Variants in SEMA3F observed in about 807,000 individuals in gnomAD.
The protein encoded by SEMA3F is semaphorin-3F.
A neutral mutation model predicts 98.5 loss-of-function variants in SEMA3F; 30 were observed. The observed-to-expected ratio is 0.30, with a 90% CI of 0.23 to 0.41. The LOEUF (loss-of-function observed/expected upper bound fraction) is 0.41, where lower values mean the gene tolerates loss of function less well. Ranked by LOEUF, SEMA3F falls within the 10% of genes least tolerant of loss-of-function variation. SEMA3F has a pLI of 1.00. For synonymous variants in SEMA3F, 380 were observed against 444.8 expected, an observed-to-expected ratio of 0.85 and a Z score of 1.83; for missense variants, 866 against 1,119.3, an observed-to-expected ratio of 0.77 and a Z score of 3.23.
rs934649214 is a variant in SEMA3F at position 50,155,518 on chromosome 3, T to A, written c.-95T>A. The A allele has an allele frequency of 6.3e-6, 2 of 319,872 alleles. No homozygotes were observed. The highest frequency in any genetic ancestry group is 2.2e-5 in the African/African-American group (1 of 45,642). The allele number at this position is 319,872 out of a possible 1,614,324, so 19.8% of individuals were successfully genotyped here. A position where few individuals can be genotyped will look rare whatever the true frequency, so the allele number is the denominator to read the frequency against. ...GACCGGCCCAACGGGAGCCGCTCCG[T>A]GCCGCCGCCGCCGCCCGGGCGCCCA... On this transcript the variant is annotated 5_prime_UTR_variant, in exon 1 of 19. Transcript: ENST00000002829. The surrounding 1 kb of genome is among the most constrained non-coding windows in gnomAD (Gnocchi z 4.9).
rs1699231399 is a variant in SEMA3F at position 50,186,684 on chromosome 3, C to T, written c.1885C>T (p.Arg629Cys). The change falls in exon 18 of 19, where the codon CGC becomes TGC. Residue 629 changes from arginine to cysteine, a missense_variant. Physicochemically the swap from Arg to Cys is radical, Grantham distance 180. Around this residue, in one of 3 missense-constraint regions of SEMA3F, gnomAD observed 245 missense variants for 260.5 expected, o/e 0.94. Coordinates refer to ENST00000002829, the MANE Select transcript of SEMA3F (RefSeq NM_004186.5). ...CGCAGCCTTCCTTGAGTGCCAGCCC[C>T]GCTCGCCCCAAGCCACTGTTAAGTG... ...GSAAFLECQP[R>C]SPQATVKWLF... 8 of 1,610,626 alleles carry T rather than the reference C, an allele frequency of 5.0e-6. No individual in the cohort carries two copies. The highest frequency in any genetic ancestry group is 5.9e-6 in the Non-Finnish European group (7 of 1,177,668).
At chr3:50,169,824 G>T (rs960407573) in intron 2 of SEMA3F, among the ~76,000 whole-genome samples, 1 of 152,226 alleles carries the variant, frequency 6.6e-6, no homozygotes, top group African/African-American at 2.4e-5. Flanking sequence ...AGGTTCCTTT[G>T]TTCCTTCTGT....
rs1276268260 is a variant in SEMA3F at position 50,182,822 on chromosome 3, A to G, written c.903+39A>G. 1.2e-6 allele frequency: 2 copies of G among 1,610,996 alleles called. No individual in the cohort carries two copies. The highest frequency in any genetic ancestry group is 1.7e-6 in the Non-Finnish European group (2 of 1,178,430). ...GAGCCACCAGGCTGCCCCTTCCACCAGTTCTGGCTTCATCAGCCCTGCTCC... is the reference window on the plus strand; with the variant it reads ...GAGCCACCAGGCTGCCCCTTCCACCGGTTCTGGCTTCATCAGCCCTGCTCC... On this transcript the variant is annotated intron_variant, in intron 9 of 18. Coordinates refer to ENST00000002829, the MANE Select transcript of SEMA3F (RefSeq NM_004186.5). The surrounding 1 kb of genome is among the most constrained non-coding windows in gnomAD (Gnocchi z 4.5).
rs766731625 is a variant in SEMA3F, at chr3:50,173,773, G to T, written c.113-20G>T. 6.2e-7 allele frequency: 1 copy of T among 1,612,282 alleles called. No individual in the cohort carries two copies. Among genetic ancestry groups the T allele is most frequent in the Non-Finnish European group, 8.5e-7 (1 of 1,178,922 alleles). ...TGGTTTCCTGAAGGTCCTAATTGGTGCCCTGCCCTCCACCCACAGAGCTGA... is the reference window on the plus strand; with the variant it reads ...TGGTTTCCTGAAGGTCCTAATTGGTTCCCTGCCCTCCACCCACAGAGCTGA... On this transcript the variant is annotated intron_variant, in intron 2 of 18. Transcript: ENST00000002829.
intron 18 of SEMA3F, among the ~76,000 whole-genome samples, chr3:50,187,411 A>C (rs545295722): frequency 4.8e-5 from 7 of 145,986 alleles, no homozygotes; most frequent in African/African-American, 1.8e-4. Context: ...CGACAGAGCC[A>C]GACCTTGTCT....
upstream of SEMA3F, chr3:50,155,061 C>A: frequency 2.8e-6 from 1 of 360,800 alleles, no homozygotes; most frequent in Non-Finnish European, 5.1e-6. The surrounding 1 kb of genome is among the most constrained non-coding windows in gnomAD (Gnocchi z 4.9). Flanking sequence ...CGGCTCTGAG[C>A]GCCCCGTCCC....
At position 50,183,545 on chromosome 3, in the gene SEMA3F, C is replaced by T; in HGVS notation, c.1214C>T (p.Pro405Leu). 6.2e-7 allele frequency: 1 copy of T among 1,614,050 alleles called. No individual in the cohort carries two copies. The highest frequency in any genetic ancestry group is 8.5e-7 in the Non-Finnish European group (1 of 1,180,012). ...YQWMPFSGKM[P>L]YPRPGTCPGG... is the part of the protein sequence containing the mutation. The stretch of plus-strand genomic sequence containing the variant: ...TGGATGCCCTTCTCAGGGAAGATGC[C>T]CTACCCACGGCCGGGCACGGTAAGG... The change falls in exon 12 of 19, where the codon CCC (proline) becomes CTC (leucine). Residue 405 changes from proline (P) to leucine (L), a missense_variant. Transcript: ENST00000002829.
chr3:50,168,942 T>G (rs1477939214), intron 2 of SEMA3F, among the ~76,000 whole-genome samples: 1 of 152,168 alleles, frequency 6.6e-6, no homozygotes, highest in Non-Finnish European at 1.5e-5. Flanking sequence ...GCTCAGGGAT[T>G]AGGGCTGCAC....
At chr3:50,170,830 G>A (rs908521307) in intron 2 of SEMA3F, among the ~76,000 whole-genome samples, 16 of 151,956 alleles carry the variant, frequency 1.1e-4, no homozygotes, top group South Asian at 4.2e-4. Flanking sequence ...TGACCAAAGC[G>A]TCACGTCCTG....
intron 2 of SEMA3F, among the ~76,000 whole-genome samples, chr3:50,160,695 C>T (rs1698170654): frequency 6.6e-6 from 1 of 152,204 alleles, no homozygotes; most frequent in Non-Finnish European, 1.5e-5. Flanking sequence ...CCTGGCTGGC[C>T]AGATTTCCGG....
In SEMA3F at chr3:50,188,123, T is replaced by G. The variant is rs150672207; in HGVS notation, c.*8T>G. On this transcript the variant is annotated 3_prime_UTR_variant, in exon 19 of 19. Coordinates refer to ENST00000002829, the MANE Select transcript of SEMA3F (RefSeq NM_004186.5). The surrounding 1 kb of genome is among the most constrained non-coding windows in gnomAD (Gnocchi z 4.5). ...CACCCTCCGGACACATGAGGCCAGC[T>G]GCCTGTGCCTGCCATGGGCCAGCCT... is the stretch of plus-strand genomic sequence containing the variant. The G allele has an allele frequency of 6.3e-4, 914 of 1,460,970 alleles. 9 individuals are homozygous for G. In the African/African-American group the frequency reaches 0.012, roughly 20 times the overall value. The allele number at this position is 1,460,970 out of a possible 1,614,324, so 90.5% of individuals were successfully genotyped here.
At position 50,159,689 on chromosome 3, in the gene SEMA3F, C is replaced by G. The variant is rs768754151; in HGVS notation, c.67C>G (p.Gln23Glu). 6.2e-7 allele frequency: 1 copy of G among 1,613,214 alleles called. No individual in the cohort carries two copies. The highest frequency in any genetic ancestry group is 1.7e-5 in the Admixed American group (1 of 59,876). Residue 23 changes from glutamine (Q) to glutamate (E), a missense_variant, in exon 2 of 19, where the codon CAG (glutamine) becomes GAG (glutamate). Gln to Glu is a conservative substitution (Grantham distance 29). Coordinates refer to ENST00000002829, the MANE Select transcript of SEMA3F (RefSeq NM_004186.5). ...LTGAWPSFPT[Q>E]DHLPATPRVR... is the part of the protein sequence containing the mutation. ...CGGGGCCTGGCCATCCTTCCCCACC[C>G]AGGACCACCTCCCGGCCACGCCCCG...
At chr3:50,185,743 A>G (rs768296025) in intron 15 of SEMA3F, 36 bp downstream of exon 15, 2 of 1,613,408 alleles carry the variant, frequency 1.2e-6, no homozygotes, top group Non-Finnish European at 8.5e-7. Flanking sequence ...GGTTGGGGAC[A>G]GGGCCTGCAT....
intron 2 of SEMA3F, among the ~76,000 whole-genome samples, chr3:50,168,743 G>T (rs1698498569): frequency 6.6e-6 from 1 of 152,190 alleles, no homozygotes; most frequent in Non-Finnish European, 1.5e-5. Flanking sequence ...CCCCTTCCTG[G>T]ATCCTGTGGG....
rs761519385 is a variant in SEMA3F at position 50,182,345 on chromosome 3, C to T, written c.705C>T (p.Arg235=). ...TGGGCACTGATGCAGCCATCTTCCG[C>T]ACACTTGGAAAGCAGACAGCCATGC... ...DFMGTDAAIF[R]TLGKQTAMRT... The change falls in exon 8 of 19, where the codon CGC becomes CGT. Residue 235 remains arginine, a synonymous_variant. Transcript: ENST00000002829. The surrounding 1 kb of genome is among the most constrained non-coding windows in gnomAD (Gnocchi z 4.5). The T allele has an allele frequency of 1.9e-6, 3 of 1,613,950 alleles. No homozygotes were observed. The highest frequency in any genetic ancestry group is 1.1e-5 in the South Asian group (1 of 91,090).
At chr3:50,179,297 G>A (rs1001760492) in intron 7 of SEMA3F, among the ~76,000 whole-genome samples, 2 of 151,266 alleles carry the variant, frequency 1.3e-5, no homozygotes, top group Non-Finnish European at 1.5e-5. Flanking sequence ...TAGATGGCAT[G>A]TTCTTCCACG....
At position 50,166,272 on chromosome 3, in the gene SEMA3F, T is replaced by G. The variant is rs966794187; in HGVS notation, c.112+6538T>G. Among the ~76,000 whole-genome samples, 1 of 152,214 alleles carries G rather than the reference T, an allele frequency of 6.6e-6. No homozygotes were observed. Among genetic ancestry groups the G allele is most frequent in the Non-Finnish European group, 1.5e-5 (1 of 68,042 alleles). ...CTCATTTCCCCCGGCCAGAGTCCAC[T>G]GCCTCGTGTGTCTGCTGTTCAGCCA... is the stretch of plus-strand genomic sequence containing the variant. On this transcript the variant is annotated intron_variant, in intron 2 of 18. Transcript: ENST00000002829. The surrounding 1 kb of genome is among the most constrained non-coding windows in gnomAD (Gnocchi z 4.7).
chr3:50,171,479 C>T (rs932323652), intron 2 of SEMA3F, among the ~76,000 whole-genome samples: 3 of 152,060 alleles, frequency 2.0e-5, no homozygotes, highest in South Asian at 2.1e-4. Flanking sequence ...TGTCTGAAGG[C>T]GCCCACTTAA....
intron 7 of SEMA3F, among the ~76,000 whole-genome samples, chr3:50,179,228 A>C (rs1418268028): frequency 1.3e-5 from 2 of 152,052 alleles, no homozygotes; most frequent in African/African-American, 4.8e-5. Context: ...AGAGAGTCTG[A>C]CTGTCGTTCG....
Sources: gnomAD v4.1 joint callset for allele counts (sites outside exome capture counted in the v4.1 genomes callset) on GRCh38, gnomAD v4.1.1 for gene constraint, gnomAD v4.1.1 regional missense constraint, Gnocchi (gnomAD v3.1) non-coding constraint, MANE v1.5 for transcripts, NCBI Gene and HGNC (gene_info 2026-07-23, HGNC 2026-07-21) for gene names.